The following CLPTM1 variants were observed in gnomAD, a reference collection of about 807,000 sequenced individuals.
CLPTM1 encodes CLPTM1 regulator of GABA type A receptor forward trafficking, also known as putative lipid scramblase CLPTM1.
A neutral mutation model predicts 77.3 loss-of-function variants in CLPTM1; 21 were observed. The observed-to-expected ratio is 0.27, with a 90% CI of 0.19 to 0.39. The LOEUF (loss-of-function observed/expected upper bound fraction) is 0.39. Ranked by LOEUF, CLPTM1 falls within the 10% of genes least tolerant of loss-of-function variation. CLPTM1 has a pLI of 1.00. For missense variants in CLPTM1, 642 were observed against 921.2 expected, an observed-to-expected ratio of 0.70 and a Z score of 3.92; for synonymous variants, 373 against 381.0, an observed-to-expected ratio of 0.98 and a Z score of 0.24.
intron 5 of CLPTM1, among the ~76,000 whole-genome samples, chr19:44,977,931 A>G (rs1036293017): frequency 7.9e-5 from 12 of 152,116 alleles, no homozygotes; most frequent in Admixed American, 5.9e-4. Context: ...CCTGGGAAAC[A>G]TGACAAAACC....
intron 4 of CLPTM1, 32 bp from the exon 5 acceptor site, chr19:44,977,311 A>T: frequency 6.4e-7 from 1 of 1,554,424 alleles, no homozygotes; most frequent in Non-Finnish European, 8.8e-7. Context: ...CCAGTTGCCC[A>T]GCCTGCCCAC....
At chr19:44,969,401 A>G (rs1970683679) in intron 2 of CLPTM1, among the ~76,000 whole-genome samples, 1 of 152,080 alleles carries the variant, frequency 6.6e-6, no homozygotes, top group South Asian at 2.1e-4. Flanking sequence ...CCTATAATTA[A>G]TAAGTACTTG....
intron 5 of CLPTM1, chr19:44,984,242 T>C (rs993388684): frequency 3.9e-5 from 6 of 152,260 alleles, no homozygotes; most frequent in African/African-American, 1.4e-4. Flanking sequence ...TCACCGAGCC[T>C]GTGCAGGCGC....
intron 2 of CLPTM1, among the ~76,000 whole-genome samples, chr19:44,963,875 C>T (rs138692741): frequency 0.038 from 5,716 of 152,276 alleles, 209 homozygotes; most frequent in Admixed American, 0.12. Context: ...GCCTTGGCCT[C>T]CCAAAGTGTT....
At chr19:44,985,571 A>G (rs1422294986) in intron 6 of CLPTM1, among the ~76,000 whole-genome samples, 1 of 152,188 alleles carries the variant, frequency 6.6e-6, no homozygotes, top group African/African-American at 2.4e-5. Context: ...CCATTGTCAC[A>G]TGAGGACACT....
rs767749890 is a variant in CLPTM1, at chr19:44,990,580, G to A, written c.1318G>A (p.Val440Ile). 7.4e-6 allele frequency: 12 copies of A among 1,613,460 alleles called. No individual in the cohort carries two copies. The highest frequency in any genetic ancestry group is 5.3e-5 in the African/African-American group (4 of 75,014). ...CTGGAAGATCACCAAGGTCATGGAC[G>A]TCCGGGTAAGGCTGGGGCGCCATGC... ...DLWKITKVMD[V>I]RLDREHRVAG... Residue 440 changes from valine (V) to isoleucine (I), a missense_variant, in exon 10 of 14, where the codon GTC (valine) becomes ATC (isoleucine). By Grantham distance (29) the Val-to-Ile change is conservative (BLOSUM62 3). This residue lies in a region of CLPTM1 where 521 missense variants were observed against 800.4 expected (regional missense o/e 0.65). Coordinates refer to ENST00000337392, the MANE Select transcript of CLPTM1 (RefSeq NM_001294.4). The surrounding 1 kb of genome is among the most constrained non-coding windows in gnomAD (Gnocchi z 4.8).
At chr19:44,964,814 T>C (rs969099712) in intron 2 of CLPTM1, among the ~76,000 whole-genome samples, 8 of 152,324 alleles carry the variant, frequency 5.3e-5, no homozygotes, top group Admixed American at 3.3e-4. Context: ...CTACTCTAGT[T>C]AGCTCCTGTA....
intron 5 of CLPTM1, among the ~76,000 whole-genome samples, chr19:44,983,029 C>G (rs912983615): frequency 1.3e-5 from 2 of 150,038 alleles, no homozygotes; most frequent in African/African-American, 4.9e-5. Flanking sequence ...CCACTGCTCT[C>G]TAGCCTGGGC....
intron 2 of CLPTM1, among the ~76,000 whole-genome samples, chr19:44,965,363 T>C (rs1044992709): frequency 1.3e-5 from 2 of 151,044 alleles, no homozygotes; most frequent in Non-Finnish European, 2.9e-5. Context: ...CTGGGTGTGG[T>C]GGCACAAGCC....
At position 44,992,942 on chromosome 19, in the gene CLPTM1, C is replaced by T. The variant is rs570570739; in HGVS notation, c.*45C>T. The T allele has an allele frequency of 1.3e-6, 2 of 1,590,152 alleles. No homozygotes were observed. The highest frequency in any genetic ancestry group is 2.2e-5 in the South Asian group (2 of 89,254). The stretch of plus-strand genomic sequence containing the variant: ...GCTCCGGCTCCTGGCGACCACTACC[C>T]CTGCGTCCCGGCCCCCTCGCCTCCC... On this transcript the variant is annotated 3_prime_UTR_variant, in exon 14 of 14. Coordinates refer to ENST00000337392, the MANE Select transcript of CLPTM1 (RefSeq NM_001294.4). This position sits in a 1 kb window ranked among gnomAD's most constrained non-coding sequence, Gnocchi z 7.7.
At chr19:44,980,680 C>T (rs906385158) in intron 5 of CLPTM1, among the ~76,000 whole-genome samples, 2 of 149,808 alleles carry the variant, frequency 1.3e-5, no homozygotes, top group Non-Finnish European at 3.0e-5. Context: ...AGGCCAGGCA[C>T]GGTGGCTCAT....
At chr19:44,957,409 C>A (rs543782596) in intron 1 of CLPTM1, among the ~76,000 whole-genome samples, 2 of 152,360 alleles carry the variant, frequency 1.3e-5, no homozygotes, top group African/African-American at 4.8e-5. Flanking sequence ...TCCTTAGCAC[C>A]ACTCAGCTCA....
At position 44,986,574 on chromosome 19, in the gene CLPTM1, A is replaced by T. The variant is rs148911976; in HGVS notation, c.792A>T (p.Gln264His). ...GCAGTGTGCCCCCTCCCCTGGATCA[A>T]TGTAAGCTCCCCAGCCCTGCCAGCT... ...VKGSVPPPLD[Q>H]YVKFDAVSGD... Residue 264 changes from glutamine (Q) to histidine (H), a missense_variant and splice_region_variant, in exon 7 of 14, where the codon CAA (glutamine) becomes CAT (histidine). Transcript: ENST00000337392. The T allele has an allele frequency of 6.2e-7, 1 of 1,613,538 alleles. No individual in the cohort carries two copies. The highest frequency in any genetic ancestry group is 8.5e-7 in the Non-Finnish European group (1 of 1,179,856).
At chr19:44,974,981 G>A (rs912041220) in intron 4 of CLPTM1, among the ~76,000 whole-genome samples, 1 of 152,164 alleles carries the variant, frequency 6.6e-6, no homozygotes, top group Non-Finnish European at 1.5e-5. Flanking sequence ...ACTAAGCTAG[G>A]CTGACTCATG....
intron 6 of CLPTM1, among the ~76,000 whole-genome samples, chr19:44,985,967 CG>C (rs1970970732): frequency 6.6e-6 from 1 of 152,024 alleles, no homozygotes; most frequent in Non-Finnish European, 1.5e-5. Context: ...AGGATCCTGT[CG>C]GTGGCCGGAA....
Position 44,991,748 on chromosome 19 carries a change from C to T in CLPTM1, c.1555+375C>T, listed in dbSNP as rs1188589667. Among the ~76,000 whole-genome samples the T allele has an allele frequency of 6.6e-6, 1 of 152,028 alleles. No homozygotes were observed. Among genetic ancestry groups the T allele is most frequent in the East Asian group, 1.9e-4 (1 of 5,188 alleles). On this transcript the variant is annotated intron_variant, in intron 12 of 13. Transcript: ENST00000337392. This position sits in a 1 kb window ranked among gnomAD's most constrained non-coding sequence, Gnocchi z 5.4. The stretch of plus-strand genomic sequence containing the variant: ...GCAAGACCCGATCTCTACAAAAAAA[C>T]ACAGAAATTATTGGGGAGTGGTGGT...
rs148625898 is a variant in CLPTM1, at chr19:44,978,470, T to C, written c.586+1010T>C. Among the ~76,000 whole-genome samples the C allele has an allele frequency of 4.5e-3, 677 of 151,906 alleles. 6 individuals are homozygous for C. Among genetic ancestry groups the C allele is most frequent in the African/African-American group, 0.015 (642 of 41,450 alleles). On this transcript the variant is annotated intron_variant, in intron 5 of 13. Transcript: ENST00000337392. ...TGTGGGCAACATAATGAGACTTCGT[T>C]GCTACAAAAATTAATAGCCAGGTAT...
chr19:44,977,166 G>A (rs1970817945), intron 4 of CLPTM1, among the ~76,000 whole-genome samples, 177 bp from the exon 5 acceptor site: 1 of 152,130 alleles, frequency 6.6e-6, no homozygotes, highest in South Asian at 2.1e-4. Flanking sequence ...GTCTGAGTCT[G>A]TCTGACTCCA....
intron 2 of CLPTM1, among the ~76,000 whole-genome samples, chr19:44,967,523 G>A (rs540066455): frequency 1.1e-4 from 17 of 152,198 alleles, no homozygotes; most frequent in Non-Finnish European, 2.4e-4. Context: ...CGGGCATGGC[G>A]GCTTATGCCT....
Sources: gnomAD v4.1 joint callset for allele counts (sites outside exome capture counted in the v4.1 genomes callset) on GRCh38, gnomAD v4.1.1 for gene constraint, gnomAD v4.1.1 regional missense constraint, Gnocchi (gnomAD v3.1) non-coding constraint, MANE v1.5 for transcripts, NCBI Gene and HGNC (gene_info 2026-07-23, HGNC 2026-07-21) for gene names.